Variants in CTNNA2 observed in about 807,000 individuals in gnomAD.
The protein encoded by CTNNA2 is catenin alpha-2.
In CTNNA2, 42 loss-of-function variants were observed where a neutral mutation model predicts 101.0. The observed-to-expected ratio is 0.42, with a 90% confidence interval of 0.32 to 0.54. The LOEUF (loss-of-function observed/expected upper bound fraction) is 0.54. Ranked by LOEUF, CTNNA2 falls within the 20% of genes least tolerant of loss-of-function variation. CTNNA2 has a pLI of 0.14. For missense variants in CTNNA2, 871 were observed against 1,223.1 expected (o/e 0.71, Z 4.29); for synonymous variants, 450 against 456.4 (o/e 0.99, Z 0.18).
At chr2:80,022,471 T>C (rs1343386531) in intron 7 of CTNNA2, among the ~76,000 whole-genome samples, 2 of 152,118 alleles carry the variant, frequency 1.3e-5, no homozygotes, top group Non-Finnish European at 2.9e-5. Flanking sequence ...CAAATGAGAA[T>C]GAACTATTCA....
chr2:79,765,421 T>A (rs1328654667), intron 3 of CTNNA2, among the ~76,000 whole-genome samples: 1 of 152,184 alleles, frequency 6.6e-6, no homozygotes, highest in African/African-American at 2.4e-5. Context: ...GTTTCAAACG[T>A]TCCTTTACTG....
chr2:80,302,574 C>A lies in CTNNA2; in HGVS notation c.1057-90637C>A. 3 of 1,607,776 alleles carry A rather than the reference C, an allele frequency of 1.9e-6. No homozygotes were observed. Among genetic ancestry groups the A allele is most frequent in the Non-Finnish European group, 2.5e-6 (3 of 1,179,254 alleles). ...TGCACGGCGTTCTCGGCGTGCTCGCCGCCTGGAAGAGCCACGGTGGCAGGC... is the reference window on the plus strand; with the variant it reads ...TGCACGGCGTTCTCGGCGTGCTCGCAGCCTGGAAGAGCCACGGTGGCAGGC... On this transcript the variant is annotated intron_variant, in intron 7 of 18. Transcript: ENST00000402739. This position sits in a 1 kb window ranked among gnomAD's most constrained non-coding sequence, Gnocchi z 6.4.
At chr2:80,519,899 C>T (rs1689396874) in intron 9 of CTNNA2, among the ~76,000 whole-genome samples, 1 of 152,156 alleles carries the variant, frequency 6.6e-6, no homozygotes, top group South Asian at 2.1e-4. Context: ...AGAGACCATC[C>T]TCTGGAACAA....
At chr2:79,572,001 C>T (rs547426750) in intron 1 of CTNNA2, among the ~76,000 whole-genome samples, 9 of 152,226 alleles carry the variant, frequency 5.9e-5, no homozygotes, top group Non-Finnish European at 8.8e-5. Flanking sequence ...TGCCCATTTT[C>T]GGCCTCATTG....
At chr2:80,602,814 T>C (rs1238338120) in intron 15 of CTNNA2, among the ~76,000 whole-genome samples, 3 of 152,138 alleles carry the variant, frequency 2.0e-5, no homozygotes, top group Admixed American at 1.3e-4. Context: ...TACAACAAAA[T>C]GAAATACCTT....
intron 1 of CTNNA2, among the ~76,000 whole-genome samples, chr2:79,195,431 C>G (rs911886582): frequency 2.0e-5 from 3 of 152,162 alleles, no homozygotes; most frequent in African/African-American, 7.2e-5. Flanking sequence ...TTTGTCCAAC[C>G]TAAAGCTTGT....
intron 7 of CTNNA2, among the ~76,000 whole-genome samples, chr2:79,935,448 C>T (rs915818195): frequency 1.3e-5 from 2 of 151,726 alleles, no homozygotes; most frequent in Non-Finnish European, 2.9e-5. Context: ...CTCAGATTTG[C>T]CTGTTAACAT....
intron 7 of CTNNA2, chr2:80,028,001 A>T (rs1028955851): frequency 2.8e-5 from 4 of 145,272 alleles, no homozygotes; most frequent in Non-Finnish European, 3.0e-5. Flanking sequence ...AAAAAAAAAA[A>T]GTAAAAGAAA....
chr2:80,054,023 T>A (rs991870382), intron 7 of CTNNA2, among the ~76,000 whole-genome samples: 1 of 152,246 alleles, frequency 6.6e-6, no homozygotes, highest in African/African-American at 2.4e-5. Flanking sequence ...AAGTGAACCA[T>A]ACAGTGGGCA....
At chr2:79,782,212 A>G (rs970267790) in intron 3 of CTNNA2, among the ~76,000 whole-genome samples, 4 of 152,116 alleles carry the variant, frequency 2.6e-5, no homozygotes, top group African/African-American at 7.2e-5. Flanking sequence ...AACTTAAAGC[A>G]CTATTGCTTG....
Position 80,620,784 on chromosome 2 carries a change from C to A in CTNNA2, c.2574+1556C>A, listed in dbSNP as rs571433833. 2.4e-4 allele frequency among the ~76,000 whole-genome samples: 37 copies of A among 151,840 alleles called. 1 individual carries two copies. Among genetic ancestry groups the A allele is most frequent in the Non-Finnish European group, 2.8e-4 (19 of 67,900 alleles). ...TCAAGTTTTTAATGTCTTTTATCAA[C>A]CCCTCATACAGCTGCCAGGTAAGAA... is the stretch of plus-strand genomic sequence containing the variant. On this transcript the variant is annotated intron_variant, in intron 18 of 18. Coordinates refer to ENST00000402739, the MANE Select transcript of CTNNA2 (RefSeq NM_001282597.3).
chr2:80,101,569 G>C (rs116512291), intron 7 of CTNNA2, among the ~76,000 whole-genome samples: 2 of 152,118 alleles, frequency 1.3e-5, no homozygotes, highest in Non-Finnish European at 2.9e-5. Flanking sequence ...TCCTAATAGC[G>C]AAAGGAAGAA....
At chr2:80,073,771 C>CACACACACACTT (rs1553443664) in intron 7 of CTNNA2, among the ~76,000 whole-genome samples, 4,642 of 146,258 alleles carry the variant, frequency 0.032, 117 homozygotes, top group Middle Eastern at 0.042. Context: ...CACACACACA[C>CACACACACACTT]TTATAGGATT....
chr2:79,370,618 A>G (rs1358313889), intron 3 of CTNNA2, among the ~76,000 whole-genome samples: 1 of 152,130 alleles, frequency 6.6e-6, no homozygotes, highest in Non-Finnish European at 1.5e-5. Context: ...TTTTAAAGCA[A>G]TGATCTTAAC....
At chr2:80,628,346 C>A (rs947287712) in intron 18 of CTNNA2, among the ~76,000 whole-genome samples, 1 of 151,948 alleles carries the variant, frequency 6.6e-6, no homozygotes, top group Non-Finnish European at 1.5e-5. Flanking sequence ...GGAGGCATCA[C>A]GTTACCTGAC....
intron 3 of CTNNA2, among the ~76,000 whole-genome samples, chr2:79,369,723 C>A (rs545916285): frequency 6.6e-6 from 1 of 152,296 alleles, no homozygotes; most frequent in South Asian, 2.1e-4. Context: ...ACACCTGCCT[C>A]CACCCTTTGC....
At chr2:79,517,880 T>G (rs2103856169) in intron 1 of CTNNA2, among the ~76,000 whole-genome samples, 1 of 152,306 alleles carries the variant, frequency 6.6e-6, no homozygotes, top group African/African-American at 2.4e-5. Context: ...ATTAGACTAT[T>G]ACATTTCAGG....
At chr2:80,173,483 G>T (rs893026907) in intron 7 of CTNNA2, among the ~76,000 whole-genome samples, 3 of 151,970 alleles carry the variant, frequency 2.0e-5, no homozygotes, top group Non-Finnish European at 4.4e-5. Context: ...TAATTATAAA[G>T]GTATAAAAAG....
chr2:79,539,165 G>A (rs570522312), intron 1 of CTNNA2, among the ~76,000 whole-genome samples: 5 of 152,322 alleles, frequency 3.3e-5, no homozygotes, highest in Admixed American at 3.3e-4. Context: ...TGAGTCAGCG[G>A]TGTTGTGCTG....
Sources: gnomAD v4.1 joint callset for allele counts (sites outside exome capture counted in the v4.1 genomes callset) on GRCh38, gnomAD v4.1.1 for gene constraint, Gnocchi (gnomAD v3.1) non-coding constraint, MANE v1.5 for transcripts, NCBI Gene and HGNC (gene_info 2026-07-23, HGNC 2026-07-21) for gene names.